Variants in CDK5RAP2 observed in about 807,000 individuals in gnomAD.
CDK5RAP2 encodes the protein CDK5 regulatory subunit associated protein 2, also known as CDK5 regulatory subunit-associated protein 2.
Under a neutral mutation model 232.9 loss-of-function variants are expected in CDK5RAP2, and 147 were observed. The ratio of observed to expected loss-of-function variants is 0.63; its 90% CI spans 0.55 to 0.72. CDK5RAP2 has a LOEUF of 0.72. CDK5RAP2 is among the 30% of genes least tolerant of loss of function. The probability of loss-of-function intolerance (pLI) is 0.00; values close to 1 mark genes in which losing one functional copy is unlikely to be tolerated. For synonymous variants in CDK5RAP2, 833 were observed against 833.7 expected (o/e 1.00, Z 0.01); for missense variants, 2,195 against 2,231.5 (o/e 0.98, Z 0.33).
At chr9:120,409,351 AC>A in intron 29 of CDK5RAP2, 35 bp from the exon 30 acceptor site, 1 of 1,500,606 alleles carries the variant, frequency 6.7e-7, no homozygotes, top group Non-Finnish European at 9.1e-7. Flanking sequence ...GAGAAGGGCC[AC>A]CATTTGTTTT....
rs932974 is a variant in CDK5RAP2, at chr9:120,579,997, A to G, written c.-19T>C. On this transcript the variant is annotated 5_prime_UTR_variant, in exon 1 of 38. Coordinates refer to ENST00000349780, the MANE Select transcript of CDK5RAP2 (RefSeq NM_018249.6). Reference sequence around the variant, plus strand: ...CCATCATGGCTACAGAGGTGGCGACAGCGTTGGTGTCTGTGGCGGCGGCGC... The same window carrying G: ...CCATCATGGCTACAGAGGTGGCGACGGCGTTGGTGTCTGTGGCGGCGGCGC... The G allele has an allele frequency of 0.99, 1,569,889 of 1,581,864 alleles. 779,555 individuals are homozygous for G. Among genetic ancestry groups the G allele is most frequent in the East Asian group, 1 (44,601 of 44,604 alleles).
intron 12 of CDK5RAP2, among the ~76,000 whole-genome samples, chr9:120,503,403 A>G (rs1335638406): frequency 6.6e-6 from 1 of 152,206 alleles, no homozygotes; most frequent in Non-Finnish European, 1.5e-5. Flanking sequence ...ATGGCAACAC[A>G]AAGACAGCAG....
Position 120,572,165 on chromosome 9 carries a change from T to C in CDK5RAP2, c.60-124A>G. ...GAGGGATGCACACAGCTGGGCTACCTATGTGGCATGAAGCACAGAGGTTAA... is the reference window on the plus strand; with the variant it reads ...GAGGGATGCACACAGCTGGGCTACCCATGTGGCATGAAGCACAGAGGTTAA... On this transcript the variant is annotated intron_variant, in intron 1 of 37. Coordinates refer to ENST00000349780, the MANE Select transcript of CDK5RAP2 (RefSeq NM_018249.6). 3.8e-6 allele frequency: 3 copies of C among 785,622 alleles called. No homozygotes were observed. In the East Asian group the frequency reaches 7.5e-5, roughly 20 times the overall value. The allele number at this position is 785,622 out of a possible 1,614,324, so 48.7% of individuals were successfully genotyped here.
At chr9:120,452,255 T>C (rs1354557677) in intron 21 of CDK5RAP2, among the ~76,000 whole-genome samples, 1 of 152,000 alleles carries the variant, frequency 6.6e-6, no homozygotes, top group African/African-American at 2.4e-5. Flanking sequence ...TCTCTCTCTC[T>C]CTCTCTCTCT....
chr9:120,470,017 C>T (rs373332929), intron 17 of CDK5RAP2, 94 bp downstream of exon 17: 1 of 692,322 alleles, frequency 1.4e-6, no homozygotes, highest in Non-Finnish European at 2.6e-6. Flanking sequence ...AGGAGAGAGG[C>T]CTTCAGAATC....
chr9:120,397,573 GA>G (rs1234266305), intron 35 of CDK5RAP2, among the ~76,000 whole-genome samples: 28 of 86,436 alleles, frequency 3.2e-4, no homozygotes, highest in South Asian at 1.1e-3. Context: ...AAAGAAAAAA[GA>G]AAAAAAAAAA....
At chr9:120,518,954 A>T (rs1470071186) in intron 11 of CDK5RAP2, among the ~76,000 whole-genome samples, 1 of 152,078 alleles carries the variant, frequency 6.6e-6, no homozygotes, top group Non-Finnish European at 1.5e-5. Flanking sequence ...AGGCAGATGG[A>T]TCATGAGGTC....
chr9:120,460,763 G>A, intron 18 of CDK5RAP2, 96 bp from the exon 19 acceptor site: 1 of 1,549,700 alleles, frequency 6.5e-7, no homozygotes, highest in Admixed American at 2.0e-5. Flanking sequence ...TTTTTTTAAT[G>A]CAAAACAAAA....
chr9:120,570,274 C>A (rs1187863684), intron 2 of CDK5RAP2, among the ~76,000 whole-genome samples: 2 of 152,168 alleles, frequency 1.3e-5, no homozygotes, highest in African/African-American at 4.8e-5. Flanking sequence ...CTCATCCCCT[C>A]CTTTTTCCTT....
At chr9:120,444,013 C>T (rs2036048044) in intron 22 of CDK5RAP2, among the ~76,000 whole-genome samples, 1 of 152,146 alleles carries the variant, frequency 6.6e-6, no homozygotes, top group Admixed American at 6.5e-5. Flanking sequence ...CCCATTTTTC[C>T]CAAGAAGAGA....
chr9:120,423,454 A>G (rs1436009880), intron 25 of CDK5RAP2, among the ~76,000 whole-genome samples: 1 of 152,234 alleles, frequency 6.6e-6, no homozygotes, highest in Non-Finnish European at 1.5e-5. Flanking sequence ...AGTACAGCTG[A>G]AAAACCCACT....
Position 120,394,389 on chromosome 9 carries a change from C to T in CDK5RAP2, c.5578+123G>A, listed in dbSNP as rs895573034. ...AGAAAGGATGGAGTATGAAAAGAAGCCCACAGATAGGAGGCATGATTACAA... is the reference window on the plus strand; with the variant it reads ...AGAAAGGATGGAGTATGAAAAGAAGTCCACAGATAGGAGGCATGATTACAA... On this transcript the variant is annotated intron_variant, in intron 36 of 37. Coordinates refer to ENST00000349780, the MANE Select transcript of CDK5RAP2 (RefSeq NM_018249.6). 2.7e-6 allele frequency: 4 copies of T among 1,463,224 alleles called. No homozygotes were observed. In the African/African-American group the frequency reaches 4.2e-5, roughly 15 times the overall value. The allele number at this position is 1,463,224 out of a possible 1,614,324, so 90.6% of individuals were successfully genotyped here.
At chr9:120,389,896 T>C (rs2031768782) in intron 36 of CDK5RAP2, 109 bp from the exon 37 acceptor site, 1 of 958,942 alleles carries the variant, frequency 1.0e-6, no homozygotes, top group South Asian at 1.3e-5. Context: ...CTCGGACATG[T>C]AGACAACACG....
chr9:120,455,861 T>C (rs2036744272), intron 20 of CDK5RAP2, among the ~76,000 whole-genome samples: 1 of 152,054 alleles, frequency 6.6e-6, no homozygotes, highest in South Asian at 2.1e-4. Context: ...CTGCAAAATA[T>C]GCACACCTAA....
intron 12 of CDK5RAP2, among the ~76,000 whole-genome samples, chr9:120,509,699 A>G (rs1212378669): frequency 1.3e-5 from 2 of 152,332 alleles, no homozygotes; most frequent in Admixed American, 6.5e-5. Context: ...TGTGTCAAGT[A>G]TTATGCTAAG....
chr9:120,492,082 T>C (rs1378967536), intron 12 of CDK5RAP2, among the ~76,000 whole-genome samples: 1 of 151,982 alleles, frequency 6.6e-6, no homozygotes, highest in African/African-American at 2.4e-5. Flanking sequence ...GTTATTCCCA[T>C]GTTACAGAAA....
intron 7 of CDK5RAP2, chr9:120,532,441 G>A (rs2041194566): frequency 6.6e-6 from 1 of 152,206 alleles, no homozygotes; most frequent in Non-Finnish European, 1.5e-5. Context: ...CACGTGAGGG[G>A]TCCCTGGGCC....
At chr9:120,434,866 T>C (rs1416792649) in intron 25 of CDK5RAP2, among the ~76,000 whole-genome samples, 1 of 152,098 alleles carries the variant, frequency 6.6e-6, no homozygotes, top group Non-Finnish European at 1.5e-5. Flanking sequence ...GGGGTTGAGA[T>C]AACTCAGAGT....
At chr9:120,559,754 T>C (rs1373848900) in intron 3 of CDK5RAP2, among the ~76,000 whole-genome samples, 9 of 152,088 alleles carry the variant, frequency 5.9e-5, no homozygotes, top group Non-Finnish European at 1.2e-4. Flanking sequence ...ACTGTGGAAG[T>C]GCAGCCATCT....
Sources: gnomAD v4.1 joint callset for allele counts (sites outside exome capture counted in the v4.1 genomes callset) on GRCh38, gnomAD v4.1.1 for gene constraint, MANE v1.5 for transcripts, NCBI Gene and HGNC (gene_info 2026-07-23, HGNC 2026-07-21) for gene names.